Variants in MMP20 observed in about 807,000 individuals in gnomAD.
MMP20 encodes the protein matrix metalloproteinase-20.
Under a neutral mutation model 51.8 loss-of-function variants are expected in MMP20, and 50 were observed. The ratio of observed to expected loss-of-function variants is 0.97; its 90% confidence interval spans 0.77 to 1.22. The LOEUF is 1.22. MMP20 is among the 50% of genes most tolerant of loss of function. The pLI is 0.00. For synonymous variants in MMP20, 244 were observed against 216.2 expected, an observed-to-expected ratio of 1.13 and a Z score of -1.13; for missense variants, 663 against 601.4, an observed-to-expected ratio of 1.10 and a Z score of -1.07.
intron 8 of MMP20, among the ~76,000 whole-genome samples, chr11:102,581,780 A>T (rs904157898): frequency 6.6e-6 from 1 of 152,198 alleles, no homozygotes; most frequent in African/African-American, 2.4e-5. Context: ...GGATGGGACA[A>T]TGAGAGAATA....
intron 8 of MMP20, among the ~76,000 whole-genome samples, chr11:102,589,639 T>G (rs1859294466): frequency 6.6e-6 from 1 of 152,184 alleles, no homozygotes; most frequent in African/African-American, 2.4e-5. Flanking sequence ...AGATAATTGT[T>G]GGTAGAGTTA....
intron 6 of MMP20, among the ~76,000 whole-genome samples, chr11:102,599,543 A>G (rs1358722600): frequency 1.3e-5 from 2 of 152,254 alleles, no homozygotes; most frequent in African/African-American, 4.8e-5. Context: ...AATGCATATG[A>G]AAGTGTTTTA....
At chr11:102,594,473 A>T in intron 7 of MMP20, 148 bp downstream of exon 7, 2 of 960,442 alleles carry the variant, frequency 2.1e-6, no homozygotes, top group African/African-American at 1.6e-5. Context: ...TAACAAATGT[A>T]GGGTGGCATT....
intron 6 of MMP20, among the ~76,000 whole-genome samples, chr11:102,605,841 T>C (rs936750879): frequency 5.3e-5 from 8 of 152,172 alleles, no homozygotes; most frequent in African/African-American, 1.9e-4. Context: ...TTTGCCTCCA[T>C]GGAAAGAAGT....
chr11:102,602,279 T>C (rs1181320753), intron 6 of MMP20, among the ~76,000 whole-genome samples: 1 of 152,028 alleles, frequency 6.6e-6, no homozygotes, highest in Non-Finnish European at 1.5e-5. Flanking sequence ...AAAATGCTTT[T>C]CTTTGCCTTC....
At chr11:102,614,390 G>A (rs1591622565) in intron 2 of MMP20, among the ~76,000 whole-genome samples, 1 of 152,280 alleles carries the variant, frequency 6.6e-6, no homozygotes, top group Admixed American at 6.5e-5. Flanking sequence ...TAGGCAATGT[G>A]TGTGTTGAGG....
Position 102,577,232 on chromosome 11 carries a change from G to A in MMP20, c.*94C>T. The A allele has an allele frequency of 1.2e-6, 1 of 830,030 alleles. No homozygotes were observed. The highest frequency in any genetic ancestry group is 2.1e-6 in the Non-Finnish European group (1 of 476,966). The allele number at this position is 830,030 out of a possible 1,614,324, so 51.4% of individuals were successfully genotyped here. A position where few individuals can be genotyped will look rare whatever the true frequency, so the allele number is the denominator to read the frequency against. On this transcript the variant is annotated 3_prime_UTR_variant, in exon 10 of 10. Coordinates refer to ENST00000260228, the MANE Select transcript of MMP20 (RefSeq NM_004771.4). ...TAATTTGATTTGAAGGCCTTTGGAA[G>A]AATCCCTCTCCTACATTCTGCTTTA...
At chr11:102,596,143 G>A (rs910229115) in intron 6 of MMP20, among the ~76,000 whole-genome samples, 2 of 152,164 alleles carry the variant, frequency 1.3e-5, no homozygotes, top group African/African-American at 4.8e-5. Flanking sequence ...TTGGTGCTAC[G>A]AAGAGTTAAG....
chr11:102,622,770 AT>A (rs1444896921), intron 1 of MMP20, among the ~76,000 whole-genome samples: 1 of 152,178 alleles, frequency 6.6e-6, no homozygotes, highest in Non-Finnish European at 1.5e-5. Context: ...TGATTCTCTC[AT>A]ATTTCTCCAG....
chr11:102,587,687 T>C (rs1267142355), intron 8 of MMP20, among the ~76,000 whole-genome samples: 1 of 152,206 alleles, frequency 6.6e-6, no homozygotes, highest in Non-Finnish European at 1.5e-5. Flanking sequence ...TTTTTGTCAT[T>C]ATAAAATGTC....
intron 2 of MMP20, among the ~76,000 whole-genome samples, chr11:102,616,202 A>G (rs905065030): frequency 6.6e-6 from 1 of 152,170 alleles, no homozygotes; most frequent in Non-Finnish European, 1.5e-5. Flanking sequence ...AATCAGGCTC[A>G]GATGTTACTG....
At chr11:102,621,867 A>G (rs1398615287) in intron 1 of MMP20, among the ~76,000 whole-genome samples, 2 of 152,256 alleles carry the variant, frequency 1.3e-5, no homozygotes, top group African/African-American at 4.8e-5. Context: ...AGAAAATAAA[A>G]TGGTAGTAAA....
intron 1 of MMP20, among the ~76,000 whole-genome samples, chr11:102,618,878 G>A (rs907060023): frequency 6.6e-6 from 1 of 152,150 alleles, no homozygotes; most frequent in Non-Finnish European, 1.5e-5. Flanking sequence ...TGTTTGGAGA[G>A]GGTACGCTAT....
chr11:102,602,502 T>G (rs1229466499), intron 6 of MMP20, among the ~76,000 whole-genome samples: 1 of 152,172 alleles, frequency 6.6e-6, no homozygotes, highest in African/African-American at 2.4e-5. Context: ...GAAGTGCTCT[T>G]CCTACTAACT....
At chr11:102,594,595 C>A in intron 7 of MMP20, 26 bp downstream of exon 7, 2 of 1,612,908 alleles carry the variant, frequency 1.2e-6, no homozygotes, top group Non-Finnish European at 1.7e-6. Context: ...CCTGCCATTT[C>A]TTTCTTTGAG....
rs1219772898 is a variant in MMP20, at chr11:102,593,444, G to A, written c.1242C>T (p.Tyr414=). 1 of 1,613,822 alleles carries A rather than the reference G, an allele frequency of 6.2e-7. No homozygotes were observed. Among genetic ancestry groups the A allele is most frequent in the Non-Finnish European group, 8.5e-7 (1 of 1,179,840 alleles). The change falls in exon 8 of 10, where the codon TAC becomes TAT. Residue 414 remains tyrosine (Y), a synonymous_variant. Coordinates refer to ENST00000260228, the MANE Select transcript of MMP20 (RefSeq NM_004771.4). ...QKTLFFVGDE[Y]YSYDERKRKM... ...AAAAAGGAAAAAAGCCATACCTGTAGTATTCATCTCCCACAAAGAAAAGGG... is the reference window on the plus strand; with the variant it reads ...AAAAAGGAAAAAAGCCATACCTGTAATATTCATCTCCCACAAAGAAAAGGG...
rs1451157446 is a variant in MMP20 at position 102,593,370 on chromosome 11, AG to A, written c.1247+68del. 13 of 1,542,486 alleles carry A rather than the reference AG, an allele frequency of 8.4e-6. No homozygotes were observed. In the East Asian group the frequency reaches 2.8e-4, roughly 33 times the overall value. On this transcript the variant is annotated intron_variant, in intron 8 of 9. Coordinates refer to ENST00000260228, the MANE Select transcript of MMP20 (RefSeq NM_004771.4). ...AACTTGCTTTGCATTCTTTCGTGGA[AG>A]GGTTTTTATCTTTTTAAAATCATTC...
At chr11:102,577,995 G>A (rs1859146317) in intron 9 of MMP20, among the ~76,000 whole-genome samples, 1 of 152,068 alleles carries the variant, frequency 6.6e-6, no homozygotes, top group Admixed American at 6.5e-5. Context: ...CCAGCCCTGT[G>A]CTATTTTTTC....
chr11:102,579,095 G>C lies in MMP20; in HGVS notation c.1295C>G (p.Thr432Ser). 6.2e-7 allele frequency: 1 copy of C among 1,613,684 alleles called. No individual in the cohort carries two copies. Among genetic ancestry groups the C allele is most frequent in the Non-Finnish European group, 8.5e-7 (1 of 1,179,692 alleles). The part of the protein sequence containing the change: ...RKMEKDYPKN[T>S]EEEFSGVNGQ... ...ATTTACTCCTGAAAATTCTTCTTCA[G>C]TATTCTTTGGATAGTCTTTTTCCAT... Residue 432 changes from threonine (T) to serine (S), a missense_variant, in exon 9 of 10, where the codon ACT becomes AGT. Thr to Ser is a moderately conservative substitution (Grantham distance 58). Coordinates refer to ENST00000260228, the MANE Select transcript of MMP20 (RefSeq NM_004771.4).
Sources: allele counts gnomAD v4.1 joint callset (sites outside exome capture counted in the v4.1 genomes callset), GRCh38; gene constraint gnomAD v4.1.1; transcripts MANE v1.5; gene names NCBI Gene and HGNC (gene_info 2026-07-23, HGNC 2026-07-21).